AOPEP: variants seen among roughly 807,000 people sequenced by gnomAD.
AOPEP encodes aminopeptidase O (putative), also known as aminopeptidase O.
AOPEP carries 77 observed loss-of-function variants against 98.1 expected under a neutral mutation model. That is an observed-to-expected ratio of 0.78 (90% CI 0.65 to 0.95). The LOEUF (loss-of-function observed/expected upper bound fraction) is 0.95, where lower values mean the gene tolerates loss of function less well. Among genes scored for constraint, AOPEP ranks in the 40% least tolerant of loss-of-function variants. AOPEP has a pLI of 0.00. For missense variants in AOPEP, 1,024 were observed against 1,024.7 expected (o/e 1.00, Z 0.01); for synonymous variants, 346 against 365.3 (o/e 0.95, Z 0.60).
At chr9:95,109,745 T>A in the AOPEP span, 1 of 152,230 alleles carries the variant, frequency 6.6e-6, no homozygotes, top group African/African-American at 2.4e-5. Flanking sequence ...ACCAGCTGAT[T>A]TAATTGTGCC....
intron 5 of AOPEP, among the ~76,000 whole-genome samples, chr9:94,899,955 C>G (rs72748576): frequency 2.9e-3 from 441 of 152,268 alleles, no homozygotes; most frequent in Admixed American, 6.7e-3. Flanking sequence ...ACCCCTCCCC[C>G]CCAGCCAAAT....
chr9:94,938,298 A>T (rs537197493), intron 7 of AOPEP, among the ~76,000 whole-genome samples: 1 of 152,122 alleles, frequency 6.6e-6, no homozygotes, highest in African/African-American at 2.4e-5. Context: ...GTGCTCCGTG[A>T]GTGTTGAAAA....
At chr9:94,965,975 A>G (rs1455278278) in intron 9 of AOPEP, among the ~76,000 whole-genome samples, 2 of 148,610 alleles carry the variant, frequency 1.3e-5, no homozygotes, top group African/African-American at 2.5e-5. Flanking sequence ...ACTTGGTTCT[A>G]TTGGGAGGCT....
At chr9:94,847,843 A>G (rs1307028615) in intron 5 of AOPEP, among the ~76,000 whole-genome samples, 1 of 152,228 alleles carries the variant, frequency 6.6e-6, no homozygotes. Context: ...CACTGCTCAT[A>G]GCACCCAGAA....
chr9:95,048,514 C>T lies in AOPEP; in HGVS notation c.2116-12180C>T, dbSNP rs1213989972. Reference sequence around the variant, plus strand: ...GCCGAGATACTCACGGGCGCGGGACCTGGCCGGGAGACTGACAGCACCGGG... The same window carrying T: ...GCCGAGATACTCACGGGCGCGGGACTTGGCCGGGAGACTGACAGCACCGGG... On this transcript the variant is annotated intron_variant, in intron 13 of 16. Coordinates refer to ENST00000375315, the MANE Select transcript of AOPEP (RefSeq NM_001193329.3). Among the ~76,000 whole-genome samples, 11 of 152,202 alleles carry T rather than the reference C, an allele frequency of 7.2e-5. No homozygotes were observed. In the East Asian group the frequency reaches 1.9e-3, roughly 27 times the overall value.
intron 5 of AOPEP, among the ~76,000 whole-genome samples, chr9:94,861,156 C>T (rs573807551): frequency 1.2e-3 from 185 of 152,260 alleles, no homozygotes; most frequent in African/African-American, 4.2e-3. Flanking sequence ...TGGAAGCTGA[C>T]GTACGGGGAG....
chr9:95,009,718 T>A (rs4743975), intron 13 of AOPEP, among the ~76,000 whole-genome samples: 1 of 152,080 alleles, frequency 6.6e-6, no homozygotes, highest in Non-Finnish European at 1.5e-5. Flanking sequence ...CGCACTTCAA[T>A]GTTACCTTCA....
chr9:94,948,987 G>T (rs1246904048), intron 7 of AOPEP, among the ~76,000 whole-genome samples: 4 of 152,102 alleles, frequency 2.6e-5, no homozygotes. Flanking sequence ...CCAGCATCCC[G>T]TTCAACTATT....
intron 5 of AOPEP, among the ~76,000 whole-genome samples, chr9:94,821,544 T>C (rs994020064): frequency 2.0e-5 from 3 of 152,238 alleles, no homozygotes; most frequent in African/African-American, 7.2e-5. Context: ...TGGAAAGTGG[T>C]GGCTTCCAGA....
chr9:94,807,166 GCTCT>G (rs1229610837), intron 5 of AOPEP, among the ~76,000 whole-genome samples: 1 of 152,146 alleles, frequency 6.6e-6, no homozygotes, highest in South Asian at 2.1e-4. Flanking sequence ...TGGGGGCCAG[GCTCT>G]CTCTCTTCTG....
At chr9:94,797,438 A>C (rs1445206265) in intron 4 of AOPEP, among the ~76,000 whole-genome samples, 5 of 151,996 alleles carry the variant, frequency 3.3e-5, no homozygotes, top group Non-Finnish European at 1.5e-5. Flanking sequence ...TCAAAAAAAA[A>C]AAAAAAAGTA....
chr9:95,084,641 C>T (rs573333549), intron 16 of AOPEP, among the ~76,000 whole-genome samples: 18 of 152,360 alleles, frequency 1.2e-4, no homozygotes, highest in African/African-American at 4.1e-4. Context: ...ACAGGGCACA[C>T]CCCTCGCCAC....
At chr9:95,062,655 G>T (rs981784307) in intron 14 of AOPEP, among the ~76,000 whole-genome samples, 1 of 152,190 alleles carries the variant, frequency 6.6e-6, no homozygotes, top group Non-Finnish European at 1.5e-5. Flanking sequence ...TATGTGTGGT[G>T]CTTCTGTGTA....
At chr9:94,835,111 A>G (rs1224767807) in intron 5 of AOPEP, among the ~76,000 whole-genome samples, 1 of 152,144 alleles carries the variant, frequency 6.6e-6, no homozygotes, top group Non-Finnish European at 1.5e-5. Flanking sequence ...ATGCTAAGTT[A>G]TTTCATAGGG....
At chr9:95,133,473 T>C in the AOPEP span, among the ~76,000 whole-genome samples, 3 of 152,252 alleles carry the variant, frequency 2.0e-5, no homozygotes, top group South Asian at 2.1e-4. Flanking sequence ...TCGTGGGAGA[T>C]TACTGTAAAC....
At chr9:94,818,651 A>G (rs1028886149) in intron 5 of AOPEP, among the ~76,000 whole-genome samples, 1 of 152,268 alleles carries the variant, frequency 6.6e-6, no homozygotes, top group Admixed American at 6.5e-5. Context: ...GAAACCAGAC[A>G]TTATTTGATT....
intron 11 of AOPEP, among the ~76,000 whole-genome samples, chr9:95,000,694 G>A (rs1403937028): frequency 3.3e-5 from 5 of 152,066 alleles, no homozygotes; most frequent in African/African-American, 1.2e-4. Flanking sequence ...GGTGACAAGA[G>A]CAAGACATTG....
the AOPEP span, among the ~76,000 whole-genome samples, chr9:95,129,141 A>C: frequency 6.6e-6 from 1 of 151,750 alleles, no homozygotes; most frequent in Non-Finnish European, 1.5e-5. Context: ...GACCTCACTG[A>C]AAAAAAAGAA....
At chr9:94,859,175 A>G (rs2044626729) in intron 5 of AOPEP, among the ~76,000 whole-genome samples, 1 of 152,196 alleles carries the variant, frequency 6.6e-6, no homozygotes, top group Non-Finnish European at 1.5e-5. Context: ...GTGAGGATGC[A>G]ATGAGAAGGC....
Sources: allele counts gnomAD v4.1 joint callset (sites outside exome capture counted in the v4.1 genomes callset), GRCh38; gene constraint gnomAD v4.1.1; transcripts MANE v1.5; gene names NCBI Gene and HGNC (gene_info 2026-07-23, HGNC 2026-07-21).